The following SEMA6D variants were observed in gnomAD, a reference collection of about 807,000 sequenced individuals.
The protein encoded by SEMA6D is semaphorin-6D.
A neutral mutation model predicts 106.6 loss-of-function variants in SEMA6D; 35 were observed. The ratio of observed to expected loss-of-function variants is 0.33; its 90% CI spans 0.25 to 0.44. The LOEUF (loss-of-function observed/expected upper bound fraction) is 0.44, where lower values mean the gene tolerates loss of function less well. Among genes scored for constraint, SEMA6D ranks in the 20% least tolerant of loss-of-function variants. SEMA6D has a pLI of 1.00. For missense variants in SEMA6D, 1,185 were observed against 1,345.9 expected, an observed-to-expected ratio of 0.88 and a Z score of 1.87; for synonymous variants, 499 against 487.7, an observed-to-expected ratio of 1.02 and a Z score of -0.31.
intron 1 of SEMA6D, among the ~76,000 whole-genome samples, chr15:47,230,421 A>G (rs1470979984): frequency 6.6e-6 from 1 of 152,066 alleles, no homozygotes; most frequent in Non-Finnish European, 1.5e-5. Flanking sequence ...AATAACTGAC[A>G]TATAAATGCA....
intron 4 of SEMA6D, among the ~76,000 whole-genome samples, chr15:47,653,755 T>C (rs917974986): frequency 2.0e-5 from 3 of 152,230 alleles, no homozygotes; most frequent in African/African-American, 4.8e-5. Flanking sequence ...ATATTTCTCT[T>C]GTATGCCGCA....
chr15:47,532,453 G>A (rs890708451), intron 3 of SEMA6D, among the ~76,000 whole-genome samples: 13 of 152,088 alleles, frequency 8.5e-5, no homozygotes, highest in Non-Finnish European at 1.3e-4. Context: ...CTCTCACTGC[G>A]CATTGACTTT....
chr15:47,652,990 A>G (rs2077721942), intron 4 of SEMA6D, among the ~76,000 whole-genome samples: 1 of 152,186 alleles, frequency 6.6e-6, no homozygotes, highest in African/African-American at 2.4e-5. Context: ...CACTCCTCGT[A>G]CCTGAGCTTA....
At chr15:47,197,918 A>C (rs1365644495) in intron 1 of SEMA6D, among the ~76,000 whole-genome samples, 1 of 152,176 alleles carries the variant, frequency 6.6e-6, no homozygotes, top group Non-Finnish European at 1.5e-5. Flanking sequence ...GTAAACTAAT[A>C]ATAATTTTTG....
intron 1 of SEMA6D, among the ~76,000 whole-genome samples, chr15:47,758,175 T>C (rs542823224): frequency 6.6e-6 from 1 of 152,330 alleles, no homozygotes; most frequent in Non-Finnish European, 1.5e-5. Context: ...TTATTCTCTT[T>C]TTGAAAAACT....
At chr15:47,646,910 A>AT (rs1468059602) in intron 4 of SEMA6D, among the ~76,000 whole-genome samples, 1 of 152,210 alleles carries the variant, frequency 6.6e-6, no homozygotes, top group Non-Finnish European at 1.5e-5. Flanking sequence ...AAAGGTTGGC[A>AT]TTTAAGTTTC....
chr15:47,304,433 T>TAAAAAAAAAAAAAAAAA (rs56185341), intron 1 of SEMA6D, among the ~76,000 whole-genome samples: 4 of 93,842 alleles, frequency 4.3e-5, no homozygotes, highest in African/African-American at 2.4e-4. Context: ...GCCTTCTAAC[T>TAAAAAAAAAAAAAAAAA]AAAAAAAAAA....
At chr15:47,511,653 G>A (rs1342514881) in intron 3 of SEMA6D, among the ~76,000 whole-genome samples, 1 of 152,196 alleles carries the variant, frequency 6.6e-6, no homozygotes, top group African/African-American at 2.4e-5. Flanking sequence ...GGTGATTTGT[G>A]TTAAAATGAA....
chr15:47,747,403 TTCTGA>T (rs2081204626), intron 1 of SEMA6D, among the ~76,000 whole-genome samples: 7 of 152,202 alleles, frequency 4.6e-5, no homozygotes, highest in Admixed American at 3.3e-4. Context: ...TTCAGTTCCT[TTCTGA>T]ATTATTAATA....
intron 3 of SEMA6D, among the ~76,000 whole-genome samples, chr15:47,529,250 TAAG>T (rs1284964404): frequency 1.3e-5 from 2 of 152,034 alleles, no homozygotes; most frequent in African/African-American, 4.8e-5. Context: ...GGAGGAGAAG[TAAG>T]AGGAGAGGTT....
In SEMA6D at chr15:47,766,646, C is replaced by G; in HGVS notation, c.1677C>G (p.Phe559Leu). 1 of 1,612,522 alleles carries G rather than the reference C, an allele frequency of 6.2e-7. No individual in the cohort carries two copies. The highest frequency in any genetic ancestry group is 8.5e-7 in the Non-Finnish European group (1 of 1,178,934). ...LAEGYEQDTEFGNTAHLGDCH... is the reference protein window; with the variant it reads ...LAEGYEQDTELGNTAHLGDCH... ...AAGGATATGAACAAGACACAGAATT[C>G]GGCAACACAGCTCATCTAGGGGACT... is the stretch of plus-strand genomic sequence containing the variant. Residue 559 changes from phenylalanine to leucine, a missense_variant, in exon 16 of 19, where the codon TTC (phenylalanine) becomes TTG (leucine). Around this residue, in one of 3 missense-constraint regions of SEMA6D, gnomAD observed 750 missense variants for 783.5 expected, o/e 0.96. Coordinates refer to ENST00000536845, the MANE Select transcript of SEMA6D (RefSeq NM_001358351.3).
rs138107932 is a variant in SEMA6D, at chr15:47,740,689, G to A, written c.-54-19056G>A. On this transcript the variant is annotated intron_variant, in intron 1 of 18. Coordinates refer to ENST00000536845, the MANE Select transcript of SEMA6D (RefSeq NM_001358351.3). ...TGAAGGGCCCAGGAGCCAAAGGAGC[G>A]AGCCGTGAGCCCTCAGTTTATTTCC... Among the ~76,000 whole-genome samples, 524 of 152,256 alleles carry A rather than the reference G, an allele frequency of 3.4e-3. 1 individual carries two copies. Among genetic ancestry groups the A allele is most frequent in the African/African-American group, 0.012 (502 of 41,564 alleles).
chr15:47,618,620 C>A (rs1409993050), intron 4 of SEMA6D, among the ~76,000 whole-genome samples: 1 of 152,174 alleles, frequency 6.6e-6, no homozygotes, highest in Non-Finnish European at 1.5e-5. Context: ...TAGAGTTAAT[C>A]TCCAGTCTGT....
chr15:47,307,909 A>G (rs563875888), intron 1 of SEMA6D, among the ~76,000 whole-genome samples: 135 of 152,292 alleles, frequency 8.9e-4, no homozygotes, highest in Non-Finnish European at 1.4e-3. Context: ...ATGCCATGAC[A>G]TACTTGTTTG....
intron 1 of SEMA6D, among the ~76,000 whole-genome samples, chr15:47,340,164 A>G (rs2037753674): frequency 6.6e-6 from 1 of 152,152 alleles, no homozygotes; most frequent in Non-Finnish European, 1.5e-5. Context: ...GCGTGGATGG[A>G]GCAGAGTAGG....
intron 2 of SEMA6D, chr15:47,470,343 A>C (rs1332346155): frequency 6.6e-6 from 1 of 150,992 alleles, no homozygotes; most frequent in East Asian, 1.9e-4. Context: ...AGAATTGCTT[A>C]TATCAACTGG....
chr15:47,393,649 A>C (rs1015458481), intron 1 of SEMA6D, among the ~76,000 whole-genome samples: 1 of 152,200 alleles, frequency 6.6e-6, no homozygotes, highest in Non-Finnish European at 1.5e-5. Flanking sequence ...TTGTGTTACC[A>C]TAAACAACAC....
chr15:47,613,426 A>C (rs576173065), intron 4 of SEMA6D, among the ~76,000 whole-genome samples: 6 of 152,306 alleles, frequency 3.9e-5, no homozygotes, highest in African/African-American at 1.4e-4. Flanking sequence ...AAGCCTCCTC[A>C]GTCAGAAAGC....
chr15:47,203,248 C>G (rs1220413398), intron 1 of SEMA6D, among the ~76,000 whole-genome samples: 1 of 152,094 alleles, frequency 6.6e-6, no homozygotes, highest in East Asian at 1.9e-4. Context: ...TCTATTCCCC[C>G]ACCCCCAATT....
Sources: allele counts gnomAD v4.1 joint callset (sites outside exome capture counted in the v4.1 genomes callset), GRCh38; gene constraint gnomAD v4.1.1; regional missense constraint gnomAD v4.1.1; transcripts MANE v1.5; gene names NCBI Gene and HGNC (gene_info 2026-07-23, HGNC 2026-07-21).